Variants in IFT74 observed in about 807,000 individuals in gnomAD.
IFT74 encodes intraflagellar transport 74.
In IFT74, 92 loss-of-function variants were observed where a neutral mutation model predicts 96.7. The observed-to-expected ratio is 0.95, with a 90% confidence interval of 0.80 to 1.13. The LOEUF (loss-of-function observed/expected upper bound fraction) is 1.13, where lower values mean the gene tolerates loss of function less well. IFT74 is among the 50% of genes most tolerant of loss of function. The pLI, the probability that IFT74 is intolerant of heterozygous loss-of-function variation, is 0.00. For synonymous variants in IFT74, 223 were observed against 213.2 expected (o/e 1.05, Z -0.40); for missense variants, 811 against 698.2 (o/e 1.16, Z -1.82).
intron 1 of IFT74, among the ~76,000 whole-genome samples, chr9:26,960,263 C>T (rs1218106554): frequency 6.6e-6 from 1 of 151,720 alleles, no homozygotes; most frequent in African/African-American, 2.4e-5. Context: ...TGTGTGTAAT[C>T]TGTATGTATT....
At chr9:26,992,422 G>A (rs934720237) in intron 8 of IFT74, among the ~76,000 whole-genome samples, 4 of 152,184 alleles carry the variant, frequency 2.6e-5, no homozygotes, top group African/African-American at 7.2e-5. Flanking sequence ...GCCAGGTGCA[G>A]TGGCTCATGC....
In IFT74 at chr9:27,063,840, T is replaced by C. The variant is rs540685566; in HGVS notation, c.*1104T>C. Among the ~76,000 whole-genome samples the C allele has an allele frequency of 2.8e-4, 43 of 152,186 alleles. No homozygotes were observed. The highest frequency in any genetic ancestry group is 9.4e-4 in the African/African-American group (39 of 41,572). On this transcript the variant is annotated 3_prime_UTR_variant, in exon 20 of 20. Transcript: ENST00000380062. ...ATACATTTAAATAAAGGAGTGAGCA[T>C]TGTTGAGTTTGCTGAACTCTGGATT...
At chr9:27,036,701 A>G in intron 13 of IFT74, 1 of 1,312,004 alleles carries the variant, frequency 7.6e-7, no homozygotes, top group Admixed American at 3.7e-5. Flanking sequence ...AAAGACTCCT[A>G]AAAATCAATT....
intron 8 of IFT74, among the ~76,000 whole-genome samples, chr9:27,000,735 A>G (rs1828436660): frequency 6.6e-6 from 1 of 152,188 alleles, no homozygotes; most frequent in South Asian, 2.1e-4. Flanking sequence ...TGGGCTTAAT[A>G]CCTAGGTGAC....
In IFT74 at chr9:27,062,644, G is replaced by T. The variant is rs748085634; in HGVS notation, c.1711G>T (p.Asp571Tyr). ...CATAGCAACCAAGAGTCAAGAGAGT[G>T]ATTACCAGCCAATTAAGAAAAATGT... Reference protein sequence around the residue: ...EFIATKSQESDYQPIKKNVTK... With the variant: ...EFIATKSQESYYQPIKKNVTK... The change falls in exon 20 of 20, where the codon GAT becomes TAT. Residue 571 changes from aspartate (D) to tyrosine (Y), a missense_variant. Coordinates refer to ENST00000380062, the MANE Select transcript of IFT74 (RefSeq NM_025103.4). 1 of 1,607,112 alleles carries T rather than the reference G, an allele frequency of 6.2e-7. No homozygotes were observed.
chr9:27,016,875 A>C (rs1251432753), intron 10 of IFT74, 32 bp from the exon 11 acceptor site: 7 of 1,544,926 alleles, frequency 4.5e-6, no homozygotes, highest in Non-Finnish European at 4.4e-6. Context: ...ATAAAATACT[A>C]ATTAAAACTT....
At chr9:27,047,628 A>G (rs1220428832) in intron 15 of IFT74, among the ~76,000 whole-genome samples, 1 of 152,180 alleles carries the variant, frequency 6.6e-6, no homozygotes, top group Non-Finnish European at 1.5e-5. Context: ...GCACTAATTC[A>G]GAGTAATTAT....
At chr9:26,959,464 T>A (rs969566174) in intron 1 of IFT74, among the ~76,000 whole-genome samples, 4 of 152,028 alleles carry the variant, frequency 2.6e-5, no homozygotes, top group Non-Finnish European at 5.9e-5. Context: ...TATGGGACAG[T>A]TAGATAGAGG....
upstream of IFT74, among the ~76,000 whole-genome samples, chr9:26,952,987 A>G (rs745539131): frequency 1.4e-4 from 21 of 152,234 alleles, no homozygotes; most frequent in Admixed American, 9.8e-4. Context: ...CTTAGTAGGG[A>G]AAATGGTGGG....
chr9:26,960,000 T>C (rs1297316647), intron 1 of IFT74, among the ~76,000 whole-genome samples: 1 of 152,202 alleles, frequency 6.6e-6, no homozygotes, highest in Non-Finnish European at 1.5e-5. Flanking sequence ...TACAAATTAG[T>C]TGATAGTGCT....
intron 8 of IFT74, among the ~76,000 whole-genome samples, chr9:27,003,554 G>A (rs142628490): frequency 6.6e-6 from 1 of 152,014 alleles, no homozygotes; most frequent in Non-Finnish European, 1.5e-5. Flanking sequence ...ATCAGAGTAG[G>A]CAAGAATCCA....
At chr9:27,012,795 C>A (rs183217227) in intron 10 of IFT74, among the ~76,000 whole-genome samples, 6,023 of 141,212 alleles carry the variant, frequency 0.043, 143 homozygotes, top group Middle Eastern at 0.078. Flanking sequence ...CGGCTCACTG[C>A]AAGCTCCGCC....
chr9:27,002,419 T>C (rs1208647729), intron 8 of IFT74, among the ~76,000 whole-genome samples: 1 of 152,266 alleles, frequency 6.6e-6, no homozygotes, highest in Non-Finnish European at 1.5e-5. Context: ...GAAACAGTTT[T>C]ATAGTTTGAG....
chr9:26,970,364 T>C lies in IFT74; in HGVS notation c.121-7764T>C, dbSNP rs73643118. Among the ~76,000 whole-genome samples, 895 of 152,330 alleles carry C rather than the reference T, an allele frequency of 5.9e-3. 8 individuals carry two copies. The highest frequency in any genetic ancestry group is 0.02 in the African/African-American group (852 of 41,578). ...GTATTTATAAACACACACACATACA[T>C]ACACAGTTTGTATGACTTTGGACTG... On this transcript the variant is annotated intron_variant, in intron 2 of 19. Transcript: ENST00000380062.
chr9:26,969,614 G>A (rs183533063), intron 2 of IFT74, among the ~76,000 whole-genome samples: 46 of 151,868 alleles, frequency 3.0e-4, no homozygotes, highest in Non-Finnish European at 5.0e-4. Context: ...CTGTCATTTT[G>A]TTAGTTGTTT....
chr9:26,993,901 T>C (rs760597069), intron 8 of IFT74: 1 of 152,208 alleles, frequency 6.6e-6, no homozygotes, highest in Non-Finnish European at 1.5e-5. Flanking sequence ...TACATATTTG[T>C]AAAAGATGTA....
chr9:26,994,784 TCTCCCAGAGA>T (rs1828058161), intron 8 of IFT74: 1 of 152,504 alleles, frequency 6.6e-6, no homozygotes. Flanking sequence ...TGAATAAAAA[TCTCCCAGAGA>T]GAGGTGGAAA....
At position 27,009,073 on chromosome 9, in the gene IFT74, C is replaced by G; in HGVS notation, c.641C>G (p.Ala214Gly). The change falls in exon 9 of 20, where the codon GCA (alanine) becomes GGA (glycine). Residue 214 changes from alanine to glycine, a missense_variant. Coordinates refer to ENST00000380062, the MANE Select transcript of IFT74 (RefSeq NM_025103.4). The part of the protein sequence containing the change: ...VEEEIEQEKQ[A>G]TDDIIKNMSF... ...GAAGAAATTGAACAGGAAAAACAAG[C>G]AACAGATGACATTATCAAAAATATG... 1 of 1,612,406 alleles carries G rather than the reference C, an allele frequency of 6.2e-7. No individual in the cohort carries two copies.
At chr9:26,951,622 G>A (rs1825937767), upstream of IFT74, among the ~76,000 whole-genome samples, 1 of 152,162 alleles carries the variant, frequency 6.6e-6, no homozygotes, top group Non-Finnish European at 1.5e-5. Context: ...ATATGGGCTG[G>A]GCGCAATGGC....
Sources: allele counts gnomAD v4.1 joint callset (sites outside exome capture counted in the v4.1 genomes callset), GRCh38; gene constraint gnomAD v4.1.1; transcripts MANE v1.5; gene names NCBI Gene and HGNC (gene_info 2026-07-23, HGNC 2026-07-21).